Variants in UTRN observed in about 807,000 individuals in gnomAD.
The protein encoded by UTRN is dystrophin-related protein 1.
A neutral mutation model predicts 463.9 loss-of-function variants in UTRN; 283 were observed. That is an observed-to-expected ratio of 0.61 (90% CI 0.55 to 0.67). The LOEUF is 0.67. Among genes scored for constraint, UTRN ranks in the 30% least tolerant of loss-of-function variants. The pLI is 0.00. For synonymous variants in UTRN, 1,442 were observed against 1,431.5 expected, an observed-to-expected ratio of 1.01 and a Z score of -0.17; for missense variants, 3,922 against 4,084.3, an observed-to-expected ratio of 0.96 and a Z score of 1.08.
At chr6:144,785,267 G>A (rs909893595) in intron 61 of UTRN, among the ~76,000 whole-genome samples, 1 of 152,092 alleles carries the variant, frequency 6.6e-6, no homozygotes, top group Non-Finnish European at 1.5e-5. Flanking sequence ...TTCTTTCCTG[G>A]CATGTGATAC....
At chr6:144,415,190 G>A (rs547256177) in intron 3 of UTRN, among the ~76,000 whole-genome samples, 8 of 152,130 alleles carry the variant, frequency 5.3e-5, no homozygotes, top group East Asian at 1.9e-4. Context: ...ATTCCATCTC[G>A]GTTTGTGTAA....
chr6:144,600,036 T>A (rs1804076599), intron 51 of UTRN, among the ~76,000 whole-genome samples: 2 of 152,214 alleles, frequency 1.3e-5, no homozygotes, highest in South Asian at 4.1e-4. Flanking sequence ...ACTATTGTAA[T>A]TGTTTTGGGC....
At chr6:144,747,082 G>C (rs1790834070) in intron 54 of UTRN, among the ~76,000 whole-genome samples, 1 of 152,194 alleles carries the variant, frequency 6.6e-6, no homozygotes, top group Non-Finnish European at 1.5e-5. Context: ...GTTTAGGAGA[G>C]CTTGCTTCTG....
chr6:144,743,447 A>C (rs180953951), intron 54 of UTRN, among the ~76,000 whole-genome samples: 10 of 152,320 alleles, frequency 6.6e-5, no homozygotes, highest in Admixed American at 6.5e-4. Flanking sequence ...TTCCTCTACT[A>C]TCAAGATTTC....
chr6:144,780,355 AT>A (rs1188234479), intron 60 of UTRN, among the ~76,000 whole-genome samples: 1 of 151,918 alleles, frequency 6.6e-6, no homozygotes, highest in African/African-American at 2.4e-5. Flanking sequence ...TTTGCCTCTT[AT>A]TTTTTTAATG....
intron 51 of UTRN, among the ~76,000 whole-genome samples, chr6:144,670,384 TG>T (rs1165829992): frequency 6.6e-6 from 1 of 152,186 alleles, no homozygotes; most frequent in Non-Finnish European, 1.5e-5. Context: ...TTAGTGATGT[TG>T]AGCATTTTTT....
intron 66 of UTRN, 105 bp from the exon 67 acceptor site, chr6:144,827,243 G>C: frequency 7.4e-7 from 1 of 1,348,828 alleles, no homozygotes; most frequent in Non-Finnish European, 1.0e-6. Flanking sequence ...CCACATATAT[G>C]AGCGGAAGAT....
chr6:144,382,014 T>A (rs1780976986), intron 2 of UTRN, among the ~76,000 whole-genome samples: 1 of 152,226 alleles, frequency 6.6e-6, no homozygotes, highest in African/African-American at 2.4e-5. Context: ...CTCGCTAGCA[T>A]CTTTTATTTT....
intron 58 of UTRN, among the ~76,000 whole-genome samples, chr6:144,765,709 C>G (rs1438274858): frequency 6.6e-6 from 1 of 152,120 alleles, no homozygotes; most frequent in Non-Finnish European, 1.5e-5. Context: ...CTGTGCCCAG[C>G]TTAAATGCAT....
At chr6:144,376,758 G>A (rs1198417822) in intron 2 of UTRN, among the ~76,000 whole-genome samples, 3 of 152,156 alleles carry the variant, frequency 2.0e-5, no homozygotes, top group Non-Finnish European at 4.4e-5. Context: ...AAAGAATTAT[G>A]TATAAAATTG....
At chr6:144,609,765 A>G (rs1437953458) in intron 51 of UTRN, among the ~76,000 whole-genome samples, 4 of 152,214 alleles carry the variant, frequency 2.6e-5, no homozygotes, top group Admixed American at 6.5e-5. Context: ...CCAGAAATCA[A>G]TAACAGGAGA....
At chr6:144,474,302 A>G (rs1367116281) in intron 24 of UTRN, among the ~76,000 whole-genome samples, 1 of 151,984 alleles carries the variant, frequency 6.6e-6, no homozygotes, top group Non-Finnish European at 1.5e-5. Context: ...AAAACAAGAA[A>G]TGAATTTGCT....
At position 144,523,052 on chromosome 6, in the gene UTRN, A is replaced by G; in HGVS notation, c.5770A>G (p.Ile1924Val). ...KDQLDKLGEQ[I>V]AVIHEKQPDV... ...CCAACTGGACAAACTTGGAGAGCAGATTGCAGTCATTCATGAAAAACAGCC... is the reference window on the plus strand; with the variant it reads ...CCAACTGGACAAACTTGGAGAGCAGGTTGCAGTCATTCATGAAAAACAGCC... The change falls in exon 41 of 75, where the codon ATT (isoleucine) becomes GTT (valine). Residue 1924 changes from isoleucine to valine, a missense_variant. Ile to Val is a conservative substitution (Grantham distance 29, BLOSUM62 3). This residue lies in a region of UTRN where 2,349 missense variants were observed against 2,303.8 expected (regional missense o/e 1.02). Coordinates refer to ENST00000367545, the MANE Select transcript of UTRN (RefSeq NM_007124.3). 2 of 1,612,732 alleles carry G rather than the reference A, an allele frequency of 1.2e-6. No homozygotes were observed. Among genetic ancestry groups the G allele is most frequent in the Non-Finnish European group, 1.7e-6 (2 of 1,179,578 alleles).
chr6:144,353,711 G>T (rs527847667), intron 2 of UTRN, among the ~76,000 whole-genome samples: 2 of 152,294 alleles, frequency 1.3e-5, no homozygotes, highest in Non-Finnish European at 2.9e-5. Context: ...GCTGGGTGTG[G>T]TGGTGAGTGC....
At chr6:144,352,122 A>G (rs558372191) in intron 2 of UTRN, among the ~76,000 whole-genome samples, 19 of 152,230 alleles carry the variant, frequency 1.2e-4, no homozygotes, top group South Asian at 4.1e-4. Context: ...TGACAGAAGA[A>G]ATTTATTCCC....
chr6:144,531,594 A>T (rs1402757500), intron 42 of UTRN, among the ~76,000 whole-genome samples: 1 of 152,156 alleles, frequency 6.6e-6, no homozygotes, highest in African/African-American at 2.4e-5. Flanking sequence ...TATCATTGAT[A>T]ATTATCATAA....
intron 73 of UTRN, among the ~76,000 whole-genome samples, chr6:144,846,075 C>T (rs1781986259): frequency 6.6e-6 from 1 of 152,086 alleles, no homozygotes; most frequent in South Asian, 2.1e-4. Context: ...ACGAGATGAT[C>T]ATGTAGCAAA....
intron 54 of UTRN, among the ~76,000 whole-genome samples, chr6:144,737,654 T>C (rs1052274589): frequency 3.3e-5 from 5 of 152,206 alleles, no homozygotes; most frequent in Non-Finnish European, 7.4e-5. Context: ...AAATGGCTAT[T>C]AAGTAAATAT....
chr6:144,551,419 T>G (rs917720424), intron 48 of UTRN, among the ~76,000 whole-genome samples: 1 of 152,208 alleles, frequency 6.6e-6, no homozygotes, highest in Non-Finnish European at 1.5e-5. Flanking sequence ...AGAATGCAAA[T>G]CCTTTCTCTC....
Sources: allele counts gnomAD v4.1 joint callset (sites outside exome capture counted in the v4.1 genomes callset), GRCh38; gene constraint gnomAD v4.1.1; regional missense constraint gnomAD v4.1.1; transcripts MANE v1.5; gene names NCBI Gene and HGNC (gene_info 2026-07-23, HGNC 2026-07-21).